Variants in POFUT3 observed in about 807,000 individuals in gnomAD.
POFUT3 encodes the protein GDP-fucose protein O-fucosyltransferase 3.
At chr8:33,352,542 C>T in the POFUT3 span, among the ~76,000 whole-genome samples, 1 of 151,280 alleles carries the variant, frequency 6.6e-6, no homozygotes, top group South Asian at 2.1e-4. Context: ...AATGAACCCA[C>T]ATAAGTGTAT....
chr8:33,449,278 A>ATTTT, the POFUT3 span, among the ~76,000 whole-genome samples: 1 of 53,760 alleles, frequency 1.9e-5, no homozygotes, highest in Non-Finnish European at 3.1e-5. Flanking sequence ...ATCCGAGTTG[A>ATTTT]TTTTTTTTTT....
At chr8:33,436,484 C>T in the POFUT3 span, 2 of 1,384,222 alleles carry the variant, frequency 1.4e-6, no homozygotes, top group East Asian at 4.6e-5. Flanking sequence ...GTTTTGCTCT[C>T]ATTCGTGCTG....
chr8:33,471,854 G>A, the POFUT3 span, among the ~76,000 whole-genome samples: 1 of 152,160 alleles, frequency 6.6e-6, no homozygotes, highest in South Asian at 2.1e-4. Context: ...CAGCAATTTC[G>A]AAATTGGAAG....
chr8:33,323,719 A>G, the POFUT3 span, among the ~76,000 whole-genome samples: 1 of 152,164 alleles, frequency 6.6e-6, no homozygotes, highest in Non-Finnish European at 1.5e-5. Context: ...CCACCCCGGG[A>G]TTTAGATCTT....
chr8:33,414,990 G>A, the POFUT3 span, among the ~76,000 whole-genome samples: 2 of 150,010 alleles, frequency 1.3e-5, no homozygotes, highest in African/African-American at 2.4e-5. Context: ...GGCCAGGCGC[G>A]GTGGCTCACG....
At chr8:33,450,681 T>A in the POFUT3 span, among the ~76,000 whole-genome samples, 2 of 152,170 alleles carry the variant, frequency 1.3e-5, no homozygotes, top group African/African-American at 4.8e-5. Flanking sequence ...ATAGATTCGG[T>A]TCTCCATGAG....
At chr8:33,309,459 C>G in the POFUT3 span, among the ~76,000 whole-genome samples, 1 of 151,116 alleles carries the variant, frequency 6.6e-6, no homozygotes, top group Non-Finnish European at 1.5e-5. Context: ...TTGAAGGAGG[C>G]TGAGAGAAAA....
At chr8:33,369,701 G>A in the POFUT3 span, among the ~76,000 whole-genome samples, 1 of 152,068 alleles carries the variant, frequency 6.6e-6, no homozygotes. Context: ...ATATTGAGCA[G>A]GTTCTTCTAT....
At chr8:33,437,589 T>A in the POFUT3 span, among the ~76,000 whole-genome samples, 3 of 152,134 alleles carry the variant, frequency 2.0e-5, no homozygotes, top group African/African-American at 7.2e-5. Flanking sequence ...GGCAGAAGGA[T>A]CACTTGAGGT....
chr8:33,434,876 C>T, the POFUT3 span, among the ~76,000 whole-genome samples: 1 of 152,206 alleles, frequency 6.6e-6, no homozygotes, highest in Non-Finnish European at 1.5e-5. Context: ...GCCACTGCCA[C>T]CAGATAACAA....
the POFUT3 span, among the ~76,000 whole-genome samples, chr8:33,448,811 A>G: frequency 1.3e-5 from 2 of 152,036 alleles, no homozygotes; most frequent in Non-Finnish European, 2.9e-5. Context: ...GTGCACTCCT[A>G]TAATCCCAGC....
At chr8:33,389,463 T>C in the POFUT3 span, 2 of 1,614,206 alleles carry the variant, frequency 1.2e-6, no homozygotes, top group Admixed American at 1.7e-5. Context: ...TCGACCTCGA[T>C]GTAAGTCATC....
At chr8:33,319,422 TTA>T in the POFUT3 span, among the ~76,000 whole-genome samples, 31 of 68,902 alleles carry the variant, frequency 4.5e-4, 5 homozygotes, top group Non-Finnish European at 6.5e-4. Context: ...TATAAATATA[TTA>T]TATATATATT....
chr8:33,385,528 G>T, the POFUT3 span, among the ~76,000 whole-genome samples: 1 of 152,168 alleles, frequency 6.6e-6, no homozygotes, highest in Non-Finnish European at 1.5e-5. Flanking sequence ...GGCTCCTAAG[G>T]GAAGAGGGTC....
chr8:33,349,996 G>A, the POFUT3 span, among the ~76,000 whole-genome samples: 6 of 152,088 alleles, frequency 3.9e-5, no homozygotes, highest in Non-Finnish European at 8.8e-5. Context: ...TCTTACAGGA[G>A]TAAGGTGGTA....
chr8:33,415,255 C>T, the POFUT3 span, among the ~76,000 whole-genome samples: 3 of 152,036 alleles, frequency 2.0e-5, no homozygotes, highest in Admixed American at 2.0e-4. Context: ...CAGTGAGACT[C>T]TGCCTCAAAA....
the POFUT3 span, chr8:33,453,148 G>A: frequency 6.6e-7 from 1 of 1,504,416 alleles, no homozygotes; most frequent in African/African-American, 1.4e-5. Context: ...CTTTTCAGAG[G>A]TAAACTGTAA....
chr8:33,406,778 T>A, the POFUT3 span, among the ~76,000 whole-genome samples: 1 of 152,090 alleles, frequency 6.6e-6, no homozygotes, highest in East Asian at 1.9e-4. Context: ...TTACCCAGGC[T>A]GAGGGCAAAC....
chr8:33,444,203 A>G, the POFUT3 span, among the ~76,000 whole-genome samples: 1 of 152,000 alleles, frequency 6.6e-6, no homozygotes, highest in Admixed American at 6.6e-5. Context: ...ACTATGTCAG[A>G]GAGAAGGAGA....
Sources: allele counts gnomAD v4.1 joint callset (sites outside exome capture counted in the v4.1 genomes callset), GRCh38; gene constraint gnomAD v4.1.1; transcripts MANE v1.5; gene names NCBI Gene and HGNC (gene_info 2026-07-23, HGNC 2026-07-21).